ADARB2: variants seen among roughly 807,000 people sequenced by gnomAD.
ADARB2 encodes adenosine deaminase RNA specific B2 (inactive).
In ADARB2, 25 loss-of-function variants were observed where a neutral mutation model predicts 62.2. That is an observed-to-expected ratio of 0.40 (90% CI 0.29 to 0.56). ADARB2 has a LOEUF of 0.56. Among genes scored for constraint, ADARB2 ranks in the 20% least tolerant of loss-of-function variants. ADARB2 has a pLI of 0.43. For synonymous variants in ADARB2, 572 were observed against 500.8 expected (o/e 1.14, Z -1.90); for missense variants, 1,071 against 1,077.4 (o/e 0.99, Z 0.08).
chr10:1,633,596 CTAT>C (rs1833876300), intron 1 of ADARB2, among the ~76,000 whole-genome samples: 1 of 112,226 alleles, frequency 8.9e-6, no homozygotes, highest in African/African-American at 2.7e-5. Flanking sequence ...ATCTATCTAT[CTAT>C]CTATCTATCT....
chr10:1,568,829 T>C (rs139863474), intron 1 of ADARB2, among the ~76,000 whole-genome samples: 1 of 152,060 alleles, frequency 6.6e-6, no homozygotes, highest in Non-Finnish European at 1.5e-5. Context: ...TATCTATCTA[T>C]CTATCTATCT....
At chr10:1,705,027 T>C (rs1588359689) in intron 1 of ADARB2, among the ~76,000 whole-genome samples, 1 of 152,140 alleles carries the variant, frequency 6.6e-6, no homozygotes, top group South Asian at 2.1e-4. Flanking sequence ...TTTCAATATG[T>C]GTGAAAAAAA....
At chr10:1,373,861 C>T (rs544388886) in intron 2 of ADARB2, among the ~76,000 whole-genome samples, 3 of 151,922 alleles carry the variant, frequency 2.0e-5, no homozygotes, top group Non-Finnish European at 4.4e-5. Flanking sequence ...GGGCTCCGCG[C>T]ACCCTTCCTA....
intron 1 of ADARB2, among the ~76,000 whole-genome samples, chr10:1,552,510 G>C (rs1832640819): frequency 1.3e-5 from 2 of 152,226 alleles, no homozygotes; most frequent in South Asian, 4.1e-4. Context: ...GTCCTGCCTG[G>C]CACTCAGTGA....
intron 1 of ADARB2, among the ~76,000 whole-genome samples, chr10:1,484,782 G>A (rs1447440307): frequency 6.6e-6 from 1 of 152,152 alleles, no homozygotes; most frequent in Admixed American, 6.5e-5. Flanking sequence ...ATGGATGTAG[G>A]TACAAATGCA....
intron 1 of ADARB2, chr10:1,556,924 G>A (rs755279702): frequency 2.2e-6 from 1 of 455,842 alleles, no homozygotes; most frequent in Non-Finnish European, 4.6e-6. Flanking sequence ...ACTATTTTTG[G>A]TGACCTCAAT....
intron 7 of ADARB2, among the ~76,000 whole-genome samples, chr10:1,201,613 G>A (rs1010880925): frequency 6.6e-6 from 1 of 150,648 alleles, no homozygotes; most frequent in African/African-American, 2.4e-5. Context: ...CCTGGATCTC[G>A]GATGGTCGTA....
intron 1 of ADARB2, among the ~76,000 whole-genome samples, chr10:1,724,753 T>C (rs1419542954): frequency 6.6e-6 from 1 of 152,206 alleles, no homozygotes; most frequent in Non-Finnish European, 1.5e-5. Context: ...TAGCCACGTC[T>C]ACCCTTTGTG....
At chr10:1,189,614 A>G (rs973749807) in intron 8 of ADARB2, among the ~76,000 whole-genome samples, 2 of 151,990 alleles carry the variant, frequency 1.3e-5, no homozygotes, top group Non-Finnish European at 2.9e-5. Context: ...CTCGAGTCCC[A>G]AGGACAGAGG....
At chr10:1,712,650 AG>A (rs67572535) in intron 1 of ADARB2, among the ~76,000 whole-genome samples, 130,383 of 130,408 alleles carry the variant, frequency 1, 65,179 homozygotes, top group Middle Eastern at 1. Flanking sequence ...TCTGTCCCCC[AG>A]GGAAGGAGGG....
chr10:1,681,089 TGGACA>T (rs1834529527), intron 1 of ADARB2, among the ~76,000 whole-genome samples: 1 of 152,182 alleles, frequency 6.6e-6, no homozygotes, highest in Non-Finnish European at 1.5e-5. Flanking sequence ...AGGCAGCCCC[TGGACA>T]GGAATAATGT....
At chr10:1,659,178 G>A (rs544917444) in intron 1 of ADARB2, among the ~76,000 whole-genome samples, 2 of 152,138 alleles carry the variant, frequency 1.3e-5, no homozygotes, top group East Asian at 1.9e-4. Flanking sequence ...AAAGTCAATC[G>A]ACATCTGTTA....
intron 1 of ADARB2, among the ~76,000 whole-genome samples, chr10:1,579,891 G>C (rs1333052247): frequency 6.6e-6 from 1 of 152,138 alleles, no homozygotes; most frequent in Non-Finnish European, 1.5e-5. Flanking sequence ...AATCTCCCCA[G>C]ACATGCCTGG....
At chr10:1,722,197 C>A (rs925173851) in intron 1 of ADARB2, among the ~76,000 whole-genome samples, 16 of 152,096 alleles carry the variant, frequency 1.1e-4, no homozygotes, top group Admixed American at 2.6e-4. Flanking sequence ...GGGAGGGTCG[C>A]ACTTATTTAA....
At chr10:1,532,144 G>T (rs763409673) in intron 1 of ADARB2, among the ~76,000 whole-genome samples, 1 of 152,060 alleles carries the variant, frequency 6.6e-6, no homozygotes, top group Admixed American at 6.5e-5. Context: ...GTATCAGCCC[G>T]CACCATTCCC....
chr10:1,464,773 T>C (rs75064122), intron 1 of ADARB2, among the ~76,000 whole-genome samples: 2,888 of 94,640 alleles, frequency 0.031, 69 homozygotes, highest in Middle Eastern at 0.083. Context: ...GCGGGCAGCG[T>C]GCTGGAGAAG....
chr10:1,504,263 C>G (rs368556851), intron 1 of ADARB2, among the ~76,000 whole-genome samples: 1 of 152,234 alleles, frequency 6.6e-6, no homozygotes, highest in Non-Finnish European at 1.5e-5. Context: ...CGGGCATGCT[C>G]TGTCCCAGGC....
intron 3 of ADARB2, among the ~76,000 whole-genome samples, chr10:1,314,405 G>A (rs966989146): frequency 1.3e-5 from 2 of 151,992 alleles, no homozygotes; most frequent in African/African-American, 2.4e-5. Context: ...GTCAGCAGAC[G>A]GGCCCTGCCC....
intron 1 of ADARB2, among the ~76,000 whole-genome samples, chr10:1,581,907 G>A (rs1442421560): frequency 6.6e-6 from 1 of 151,252 alleles, no homozygotes; most frequent in Non-Finnish European, 1.5e-5. Context: ...GCCCACACAT[G>A]CTAAGTACAC....
Sources: allele counts gnomAD v4.1 joint callset (sites outside exome capture counted in the v4.1 genomes callset), GRCh38; gene constraint gnomAD v4.1.1; transcripts MANE v1.5; gene names NCBI Gene and HGNC (gene_info 2026-07-23, HGNC 2026-07-21).